Variants in QTRT2 observed in about 807,000 individuals in gnomAD.
QTRT2 encodes the protein queuine tRNA-ribosyltransferase domain containing 1.
A neutral mutation model predicts 44.8 loss-of-function variants in QTRT2; 32 were observed. That is an observed-to-expected ratio of 0.71 (90% CI 0.54 to 0.96). The LOEUF (loss-of-function observed/expected upper bound fraction) is 0.96, where lower values mean the gene tolerates loss of function less well. QTRT2 is among the 40% of genes least tolerant of loss of function. The pLI, the probability that QTRT2 is intolerant of heterozygous loss-of-function variation, is 0.00. For missense variants in QTRT2, 461 were observed against 503.1 expected (o/e 0.92, Z 0.80); for synonymous variants, 182 against 187.4 (o/e 0.97, Z 0.24).
chr3:114,080,958 C>T (rs2077158556), intron 8 of QTRT2, among the ~76,000 whole-genome samples: 1 of 152,266 alleles, frequency 6.6e-6, no homozygotes, highest in South Asian at 2.1e-4. Context: ...TATAGGAGGT[C>T]AATTTTACTG....
chr3:114,075,678 T>C (rs1223978401), intron 6 of QTRT2, among the ~76,000 whole-genome samples: 2 of 151,966 alleles, frequency 1.3e-5, no homozygotes, highest in African/African-American at 4.8e-5. Flanking sequence ...CCGGCTGATT[T>C]TTGTATTTTT....
chr3:114,068,542 G>A (rs2076983881), intron 5 of QTRT2, among the ~76,000 whole-genome samples: 1 of 152,186 alleles, frequency 6.6e-6, no homozygotes, highest in South Asian at 2.1e-4. Context: ...CTCATTAAAA[G>A]TGTTAGGCTG....
rs78371495 is a variant in QTRT2 at position 114,059,035 on chromosome 3, T to C, written c.-22+1929T>C. Among the ~76,000 whole-genome samples, 511 of 152,354 alleles carry C rather than the reference T, an allele frequency of 3.4e-3. 2 individuals carry two copies. The highest frequency in any genetic ancestry group is 0.012 in the African/African-American group (493 of 41,576). ...TGACCATCTTTTGCCTTAGGAAATTTTGGACATTTCCATGGCAGTATGTAG... is the reference window on the plus strand; with the variant it reads ...TGACCATCTTTTGCCTTAGGAAATTCTGGACATTTCCATGGCAGTATGTAG... On this transcript the variant is annotated intron_variant, in intron 2 of 9. Coordinates refer to ENST00000281273, the MANE Select transcript of QTRT2 (RefSeq NM_024638.4).
At chr3:114,070,875 A>G (rs751734281) in intron 6 of QTRT2, 37 bp downstream of exon 6, 4 of 1,544,804 alleles carry the variant, frequency 2.6e-6, no homozygotes, top group Non-Finnish European at 2.7e-6. Flanking sequence ...TTCTCTTGAC[A>G]CTCTTGCCTC....
intron 8 of QTRT2, among the ~76,000 whole-genome samples, chr3:114,081,360 C>T (rs149995125): frequency 9.9e-5 from 15 of 152,064 alleles, no homozygotes; most frequent in Admixed American, 8.5e-4. Context: ...AAAAAAAATT[C>T]TTTTTCAGAA....
chr3:114,082,040 G>A (rs2077171641), intron 8 of QTRT2, among the ~76,000 whole-genome samples: 1 of 152,092 alleles, frequency 6.6e-6, no homozygotes, highest in Admixed American at 6.5e-5. Context: ...AACAATTCAG[G>A]TTGCCATTTA....
chr3:114,065,180 G>A (rs1172085924), intron 2 of QTRT2, 57 bp from the exon 3 acceptor site: 5 of 1,157,914 alleles, frequency 4.3e-6, no homozygotes, highest in Admixed American at 4.4e-5. Context: ...TTTGCAAAAT[G>A]CTTGGCCTCT....
rs372674780 is a variant in QTRT2 at position 114,066,881 on chromosome 3, G to A, written c.256+598G>A. Among the ~76,000 whole-genome samples the A allele has an allele frequency of 7.2e-5, 11 of 152,246 alleles. No individual in the cohort carries two copies. In the East Asian group the frequency reaches 1.2e-3, roughly 16 times the overall value. Reference sequence around the variant, plus strand: ...TCAAACATGCAGGGGAGGATGAAGCGTTTGTATATGGCTGTATTCTGATAT... The same window carrying A: ...TCAAACATGCAGGGGAGGATGAAGCATTTGTATATGGCTGTATTCTGATAT... On this transcript the variant is annotated intron_variant, in intron 4 of 9. Transcript: ENST00000281273.
chr3:114,079,990 T>A lies in QTRT2; in HGVS notation c.831T>A (p.Tyr277Ter). 1 of 1,613,902 alleles carries A rather than the reference T, an allele frequency of 6.2e-7. No individual in the cohort carries two copies. Among genetic ancestry groups the A allele is most frequent in the Non-Finnish European group, 8.5e-7 (1 of 1,179,846 alleles). The change falls in exon 8 of 10, where the codon TAT becomes TAA. Residue 277 changes from tyrosine to a stop codon, truncating the protein, a stop_gained. Coordinates refer to ENST00000281273, the MANE Select transcript of QTRT2 (RefSeq NM_024638.4). LOFTEE classifies it high-confidence loss of function. The stretch of plus-strand genomic sequence containing the variant: ...ACTTATTTGAGAGTTTTTTCCCTTA[T>A]CAAGTAACAGAGCGGGGATGTGCCC... ...GVDLFESFFP[Y>*]QVTERGCALT... is the part of the protein sequence containing the mutation.
Position 114,066,821 on chromosome 3 carries a change from C to T in QTRT2, c.256+538C>T, listed in dbSNP as rs539427973. Among the ~76,000 whole-genome samples the T allele has an allele frequency of 6.6e-5, 10 of 152,236 alleles. No individual in the cohort carries two copies. In the East Asian group the frequency reaches 1.5e-3, roughly 24 times the overall value. On this transcript the variant is annotated intron_variant, in intron 4 of 9. Coordinates refer to ENST00000281273, the MANE Select transcript of QTRT2 (RefSeq NM_024638.4). ...GCGGTGAGAACTTGCATGGGGCATTCGTGAGCTCCAAAGTAGTCTCATCAT... is the reference window on the plus strand; with the variant it reads ...GCGGTGAGAACTTGCATGGGGCATTTGTGAGCTCCAAAGTAGTCTCATCAT...
chr3:114,084,060 CT>C (rs36088762), intron 9 of QTRT2, among the ~76,000 whole-genome samples: 301 of 134,724 alleles, frequency 2.2e-3, no homozygotes, highest in African/African-American at 4.7e-3. Context: ...TCACTTTTTT[CT>C]TTTTTTTTTT....
intron 8 of QTRT2, 153 bp from the exon 9 acceptor site, chr3:114,082,524 G>A (rs2107806734): frequency 2.1e-6 from 1 of 468,838 alleles, no homozygotes; most frequent in Non-Finnish European, 3.9e-6. Context: ...GCATATTGCT[G>A]TTTTCCTTTT....
intron 6 of QTRT2, among the ~76,000 whole-genome samples, chr3:114,074,389 C>CCT (rs2077062279): frequency 6.6e-6 from 1 of 152,164 alleles, no homozygotes; most frequent in Admixed American, 6.5e-5. Context: ...TTGTCTTTAT[C>CCT]CTCTCCTTGG....
chr3:114,082,958 T>C, intron 9 of QTRT2, 164 bp downstream of exon 9: 1 of 608,794 alleles, frequency 1.6e-6, no homozygotes, highest in Non-Finnish European at 3.0e-6. Flanking sequence ...CTTTATTTTC[T>C]TCAGATGAAT....
chr3:114,067,351 G>A (rs963883118), intron 4 of QTRT2, among the ~76,000 whole-genome samples: 1 of 152,110 alleles, frequency 6.6e-6, no homozygotes, highest in Non-Finnish European at 1.5e-5. Flanking sequence ...CTGGAATCCT[G>A]TTTTATTTTC....
intron 9 of QTRT2, among the ~76,000 whole-genome samples, chr3:114,083,302 C>CTGTTGTTGT (rs201812206): frequency 8.9e-6 from 1 of 112,722 alleles, no homozygotes; most frequent in African/African-American, 3.0e-5. Context: ...GTTGTTGTTG[C>CTGTTGTTGT]TGTTGCTGCT....
At chr3:114,056,952 T>C in intron 1 of QTRT2, 47 bp from the exon 2 acceptor site, 1 of 1,497,804 alleles carries the variant, frequency 6.7e-7, no homozygotes, top group Non-Finnish European at 8.9e-7. Context: ...TGTGTTGCAG[T>C]AACGGTGATT....
chr3:114,066,594 GGGTATATGT>G (rs2076956685), intron 4 of QTRT2: 1 of 260,772 alleles, frequency 3.8e-6, no homozygotes, highest in Admixed American at 4.8e-5. Flanking sequence ...ACCTGCTCTA[GGGTATATGT>G]GCAAGGTGGT....
At position 114,065,320 on chromosome 3, in the gene QTRT2, C is replaced by T; in HGVS notation, c.63C>T (p.Gly21=). ...GCCTAGGAAAAATAAAAAACCTGGGCAAAACAGGGGACCACACCATGGATA... is the reference window on the plus strand; with the variant it reads ...GCCTAGGAAAAATAAAAAACCTGGGTAAAACAGGGGACCACACCATGGATA... ...GCRLGKIKNL[G]KTGDHTMDIP... Residue 21 remains glycine (G), a synonymous_variant, in exon 3 of 10, where the codon GGC becomes GGT. Coordinates refer to ENST00000281273, the MANE Select transcript of QTRT2 (RefSeq NM_024638.4). The T allele has an allele frequency of 6.2e-7, 1 of 1,614,060 alleles. No homozygotes were observed. The highest frequency in any genetic ancestry group is 8.5e-7 in the Non-Finnish European group (1 of 1,179,970).
Sources: gnomAD v4.1 joint callset for allele counts (sites outside exome capture counted in the v4.1 genomes callset) on GRCh38, gnomAD v4.1.1 for gene constraint, MANE v1.5 for transcripts, NCBI Gene and HGNC (gene_info 2026-07-23, HGNC 2026-07-21) for gene names.